The following UBE2O variants were observed in gnomAD, a reference collection of about 807,000 sequenced individuals.
UBE2O encodes the protein (E3-independent) E2 ubiquitin-conjugating enzyme.
A neutral mutation model predicts 125.8 loss-of-function variants in UBE2O; 15 were observed. The observed-to-expected ratio is 0.12, with a 90% CI of 0.08 to 0.18. The LOEUF (loss-of-function observed/expected upper bound fraction) is 0.18. UBE2O is among the 10% of genes least tolerant of loss of function. The probability of loss-of-function intolerance (pLI) is 1.00; values close to 1 mark genes in which losing one functional copy is unlikely to be tolerated. For missense variants in UBE2O, 1,280 were observed against 1,723.6 expected, an observed-to-expected ratio of 0.74 and a Z score of 4.56; for synonymous variants, 708 against 703.2, an observed-to-expected ratio of 1.01 and a Z score of -0.11.
In UBE2O at chr17:76,396,147, G is replaced by T; in HGVS notation, c.2790C>A (p.Ser930=). 6.2e-7 allele frequency: 1 copy of T among 1,612,544 alleles called. No homozygotes were observed. Among genetic ancestry groups the T allele is most frequent in the Non-Finnish European group, 8.5e-7 (1 of 1,179,158 alleles). The part of the protein sequence containing the change: ...TFTSAKGEVF[S]VLEFAPSNHS... ...ACTCACAGGGTGCAAACTCCAGTAC[G>T]GAGAAGACCTCGCCCTTGGCGCTGG... The change falls in exon 14 of 18, where the codon TCC becomes TCA. Residue 930 remains serine (S), a synonymous_variant. Transcript: ENST00000319380. The surrounding 1 kb of genome is among the most constrained non-coding windows in gnomAD (Gnocchi z 6.7).
intron 1 of UBE2O, among the ~76,000 whole-genome samples, chr17:76,440,040 G>A (rs1268619465): frequency 6.6e-6 from 1 of 152,184 alleles, no homozygotes; most frequent in Non-Finnish European, 1.5e-5. Context: ...TGACAGAGAT[G>A]CTTCTGTGCT....
chr17:76,446,683 C>T (rs965460262), intron 1 of UBE2O, among the ~76,000 whole-genome samples: 5 of 152,178 alleles, frequency 3.3e-5, no homozygotes, highest in South Asian at 2.1e-4. Flanking sequence ...AGCAGCAGAG[C>T]GGACAGGAGG....
rs938656996 is a variant in UBE2O at position 76,389,956 on chromosome 17, C to G, written c.*987G>C. Reference sequence around the variant, plus strand: ...TTCACATTATCAAAAGCTTAGAAAACTTGTAAACCTCTGGGCCTGTCTCTG... The same window carrying G: ...TTCACATTATCAAAAGCTTAGAAAAGTTGTAAACCTCTGGGCCTGTCTCTG... On this transcript the variant is annotated 3_prime_UTR_variant, in exon 18 of 18. Coordinates refer to ENST00000319380, the MANE Select transcript of UBE2O (RefSeq NM_022066.4). The G allele has an allele frequency of 1.3e-5, 2 of 152,572 alleles. No individual in the cohort carries two copies. The highest frequency in any genetic ancestry group is 6.5e-5 in the Admixed American group (1 of 15,276). The allele number at this position is 152,572 out of a possible 1,614,324, so 9.5% of individuals were successfully genotyped here.
rs1243756667 is a variant in UBE2O, at chr17:76,396,449, C to T, written c.2488G>A (p.Glu830Lys). The change falls in exon 14 of 18, where the codon GAG (glutamate) becomes AAG (lysine). Residue 830 changes from glutamate (E) to lysine (K), a missense_variant. Glu to Lys is a moderately conservative substitution (Grantham distance 56, BLOSUM62 1). Around this residue, in one of 10 missense-constraint regions of UBE2O, gnomAD observed 210 missense variants for 268.9 expected, o/e 0.78. Coordinates refer to ENST00000319380, the MANE Select transcript of UBE2O (RefSeq NM_022066.4). The surrounding 1 kb of genome is among the most constrained non-coding windows in gnomAD (Gnocchi z 6.7). Reference sequence around the variant, plus strand: ...GTGGGCGAGCCCGTCAGCAGCTGCTCCACAGTCATGTTCTTGAGGCTCTCC... The same window carrying T: ...GTGGGCGAGCCCGTCAGCAGCTGCTTCACAGTCATGTTCTTGAGGCTCTCC... Reference protein sequence around the residue: ...ILESLKNMTVEQLLTGSPTSP... With the variant: ...ILESLKNMTVKQLLTGSPTSP... The T allele has an allele frequency of 6.2e-7, 1 of 1,614,032 alleles. No homozygotes were observed. Among genetic ancestry groups the T allele is most frequent in the Non-Finnish European group, 8.5e-7 (1 of 1,180,032 alleles).
At chr17:76,420,737 C>T (rs1383966112) in intron 1 of UBE2O, among the ~76,000 whole-genome samples, 1 of 152,186 alleles carries the variant, frequency 6.6e-6, no homozygotes, top group South Asian at 2.1e-4. Flanking sequence ...GTCCTGGGAT[C>T]GAGTGCAAGC....
chr17:76,425,092 C>T (rs140233675), intron 1 of UBE2O, among the ~76,000 whole-genome samples: 14 of 151,404 alleles, frequency 9.2e-5, no homozygotes, highest in Non-Finnish European at 2.1e-4. Flanking sequence ...AGGATGGTCT[C>T]GATCTCCTGA....
chr17:76,409,246 G>A (rs941348960), intron 1 of UBE2O, among the ~76,000 whole-genome samples: 5 of 152,184 alleles, frequency 3.3e-5, no homozygotes, highest in African/African-American at 1.2e-4. Flanking sequence ...GGGATTACAG[G>A]CGTGAGCCAC....
intron 1 of UBE2O, among the ~76,000 whole-genome samples, chr17:76,434,133 C>T (rs1174819406): frequency 2.0e-5 from 3 of 152,144 alleles, no homozygotes; most frequent in Non-Finnish European, 2.9e-5. Context: ...TACTTAACCA[C>T]GTAAGCCTCT....
chr17:76,400,466 C>T lies in UBE2O; in HGVS notation c.979G>A (p.Val327Ile). ...GTDSVSPPPS[V>I]ITQENLGRVK... ...CTGCCTAGGTTTTCCTGGGTGATGA[C>T]AGAGGGTGGGGGGCTGACGCTGTCC... Residue 327 changes from valine to isoleucine, a missense_variant, in exon 7 of 18, where the codon GTC becomes ATC. Val to Ile is a conservative substitution (Grantham distance 29, BLOSUM62 3). Around this residue, in one of 10 missense-constraint regions of UBE2O, gnomAD observed 206 missense variants for 315.7 expected, o/e 0.65. Coordinates refer to ENST00000319380, the MANE Select transcript of UBE2O (RefSeq NM_022066.4). This position sits in a 1 kb window ranked among gnomAD's most constrained non-coding sequence, Gnocchi z 4.3. The T allele has an allele frequency of 6.2e-7, 1 of 1,612,624 alleles. No homozygotes were observed. The highest frequency in any genetic ancestry group is 1.3e-5 in the African/African-American group (1 of 75,006).
At position 76,453,107 on chromosome 17, in the gene UBE2O, G is replaced by C. The variant is rs1419290257; in HGVS notation, c.35C>G (p.Pro12Arg). ...ADPAAPTPAA[P>R]APAQAPAPAP... ...TGGAGCCGGGGCCTGGGCTGGAGCG[G>C]GAGCTGCGGGCGTGGGGGCTGCGGG... Residue 12 changes from proline (P) to arginine (R), a missense_variant, in exon 1 of 18, where the codon CCC becomes CGC. Coordinates refer to ENST00000319380, the MANE Select transcript of UBE2O (RefSeq NM_022066.4). 1.1e-6 allele frequency: 1 copy of C among 884,006 alleles called. No homozygotes were observed. Among genetic ancestry groups the C allele is most frequent in the Non-Finnish European group, 1.5e-6 (1 of 645,242 alleles). 54.8% of individuals were successfully genotyped at this position (884,006 alleles called of 1,614,324 possible).
In UBE2O at chr17:76,395,309, G is replaced by C. The variant is rs2072185716; in HGVS notation, c.2946+416C>G. 1.3e-5 allele frequency: 2 copies of C among 154,592 alleles called. No homozygotes were observed. The highest frequency in any genetic ancestry group is 4.0e-4 in the South Asian group (2 of 5,026). 9.6% of individuals were successfully genotyped at this position (154,592 alleles called of 1,614,324 possible). A position where few individuals can be genotyped will look rare whatever the true frequency, so the allele number is the denominator to read the frequency against. ...CCATTCTCCTGCCTCAGCCTCCAGA[G>C]TAGCTGGGACTACAGGCGCCCGCAT... On this transcript the variant is annotated intron_variant, in intron 15 of 17. Transcript: ENST00000319380. The surrounding 1 kb of genome is among the most constrained non-coding windows in gnomAD (Gnocchi z 5.0).
chr17:76,416,200 ATGTG>A (rs903296191), intron 1 of UBE2O, among the ~76,000 whole-genome samples: 3 of 149,104 alleles, frequency 2.0e-5, no homozygotes, highest in Non-Finnish European at 3.0e-5. Context: ...ATATGTGTAT[ATGTG>A]TGTGTATATG....
At chr17:76,442,809 G>A (rs566683884) in intron 1 of UBE2O, among the ~76,000 whole-genome samples, 7 of 152,248 alleles carry the variant, frequency 4.6e-5, no homozygotes, top group African/African-American at 1.4e-4. Flanking sequence ...TGGCGGCAGC[G>A]CTGTTCACTG....
intron 1 of UBE2O, among the ~76,000 whole-genome samples, chr17:76,427,955 C>T (rs2072839539): frequency 6.6e-6 from 1 of 152,274 alleles, no homozygotes; most frequent in South Asian, 2.1e-4. Context: ...GTCCAATGAA[C>T]CCACCTTGCC....
At chr17:76,403,919 G>A (rs1469170075) in intron 3 of UBE2O, among the ~76,000 whole-genome samples, 1 of 152,068 alleles carries the variant, frequency 6.6e-6, no homozygotes, top group Non-Finnish European at 1.5e-5. Flanking sequence ...CTAAATCTGG[G>A]ACCATCCAAG....
At position 76,405,184 on chromosome 17, in the gene UBE2O, T is replaced by C; in HGVS notation, c.588+22A>G. The stretch of plus-strand genomic sequence containing the variant: ...GAACCAGAGGGCCCAGAAAGGATGA[T>C]GAGAAGACAGGGCCGGCTCACCCAG... On this transcript the variant is annotated intron_variant, in intron 3 of 17. Transcript: ENST00000319380. The surrounding 1 kb of genome is among the most constrained non-coding windows in gnomAD (Gnocchi z 6.1). The C allele has an allele frequency of 6.4e-7, 1 of 1,564,940 alleles. No homozygotes were observed. Among genetic ancestry groups the C allele is most frequent in the Non-Finnish European group, 8.7e-7 (1 of 1,143,186 alleles).
At chr17:76,437,244 A>G (rs1442144562) in intron 1 of UBE2O, among the ~76,000 whole-genome samples, 2 of 151,736 alleles carry the variant, frequency 1.3e-5, no homozygotes, top group Admixed American at 6.6e-5. Context: ...AGGTCAGGAG[A>G]TCGAGACCAT....
At chr17:76,415,929 A>ATGCG (rs2072598117) in intron 1 of UBE2O, among the ~76,000 whole-genome samples, 2 of 132,492 alleles carry the variant, frequency 1.5e-5, no homozygotes, top group Admixed American at 7.5e-5. Context: ...ACATACACGT[A>ATGCG]TATACGTATG....
At chr17:76,433,383 T>C (rs1028598966) in intron 1 of UBE2O, among the ~76,000 whole-genome samples, 9 of 147,426 alleles carry the variant, frequency 6.1e-5, no homozygotes, top group Admixed American at 1.4e-4. Flanking sequence ...ATGTCCAAAA[T>C]AGGCAAACCC....
Sources: allele counts gnomAD v4.1 joint callset (sites outside exome capture counted in the v4.1 genomes callset), GRCh38; gene constraint gnomAD v4.1.1; regional missense constraint gnomAD v4.1.1; non-coding constraint Gnocchi (gnomAD v3.1); transcripts MANE v1.5; gene names NCBI Gene and HGNC (gene_info 2026-07-23, HGNC 2026-07-21).